Variants in IFNAR2 observed in about 807,000 individuals in gnomAD.
IFNAR2 encodes interferon alpha/beta receptor 2.
In IFNAR2, 30 loss-of-function variants were observed where a neutral mutation model predicts 49.4. That is an observed-to-expected ratio of 0.61 (90% CI 0.45 to 0.82). The LOEUF (loss-of-function observed/expected upper bound fraction) is 0.82. Among genes scored for constraint, IFNAR2 ranks in the 40% least tolerant of loss-of-function variants. The probability of loss-of-function intolerance (pLI) is 0.00; values close to 1 mark genes in which losing one functional copy is unlikely to be tolerated. For synonymous variants in IFNAR2, 224 were observed against 234.5 expected, an observed-to-expected ratio of 0.96 and a Z score of 0.41; for missense variants, 600 against 622.7, an observed-to-expected ratio of 0.96 and a Z score of 0.39.
intron 7 of IFNAR2, among the ~76,000 whole-genome samples, chr21:33,260,382 G>A (rs1223394665): frequency 6.6e-6 from 1 of 152,144 alleles, no homozygotes; most frequent in Non-Finnish European, 1.5e-5. Context: ...ATAAACTGAA[G>A]GAAATTTTAC....
rs1568871580 is a variant in IFNAR2 at position 33,230,518 on chromosome 21, C to A, written c.-84+302C>A. On this transcript the variant is annotated intron_variant, in intron 1 of 8. Transcript: ENST00000342136. This position sits in a 1 kb window ranked among gnomAD's most constrained non-coding sequence, Gnocchi z 5.5. ...CCCTCCGCGTCCCACCCCACCCCAC[C>A]AAGGATGCCCAGGATACCGGGCATT... 4.2e-6 allele frequency: 2 copies of A among 470,834 alleles called. No individual in the cohort carries two copies. Among genetic ancestry groups the A allele is most frequent in the South Asian group, 3.1e-5 (2 of 64,502 alleles). 29.2% of individuals were successfully genotyped at this position (470,834 alleles called of 1,614,324 possible).
intron 6 of IFNAR2, among the ~76,000 whole-genome samples, chr21:33,250,880 TC>T (rs1162628332): frequency 6.6e-6 from 1 of 152,136 alleles, no homozygotes; most frequent in East Asian, 1.9e-4. Context: ...AAGACTAACT[TC>T]CCCATTAACT....
chr21:33,264,172 T>A lies in IFNAR2; in HGVS notation c.*672T>A, dbSNP rs1988826559. 1 of 152,156 alleles carries A rather than the reference T, an allele frequency of 6.6e-6. No individual in the cohort carries two copies. Among genetic ancestry groups the A allele is most frequent in the South Asian group, 2.1e-4 (1 of 4,820 alleles). 9.4% of individuals were successfully genotyped at this position (152,156 alleles called of 1,614,324 possible). On this transcript the variant is annotated 3_prime_UTR_variant, in exon 9 of 9. Coordinates refer to ENST00000342136, the MANE Select transcript of IFNAR2 (RefSeq NM_001289125.3). ...CTGTGCCTGGCTGGCCCTGTGATAT[T>A]TCTGTGAAATAAATTGGGCCAGGGT...
intron 8 of IFNAR2, among the ~76,000 whole-genome samples, chr21:33,262,369 A>AG (rs1271675821): frequency 1.3e-5 from 2 of 151,232 alleles, no homozygotes; most frequent in Non-Finnish European, 1.5e-5. Flanking sequence ...CGTCTCAAAA[A>AG]AAAAAAAAAA....
Position 33,242,857 on chromosome 21 carries a change from C to A in IFNAR2, c.56-816C>A, listed in dbSNP as rs1949228600. 1.3e-5 allele frequency among the ~76,000 whole-genome samples: 2 copies of A among 149,074 alleles called. 1 individual carries two copies. Among genetic ancestry groups the A allele is most frequent in the South Asian group, 4.3e-4 (2 of 4,674 alleles). ...CAGGCTGGAGTGCAGGGTGTGAGCT[C>A]AGCTCACTGCAGCCTCCACCTCCTG... On this transcript the variant is annotated intron_variant, in intron 2 of 8. Transcript: ENST00000342136.
Position 33,230,306 on chromosome 21 carries a change from C to T in IFNAR2, c.-84+90C>T. On this transcript the variant is annotated intron_variant, in intron 1 of 8. Transcript: ENST00000342136. This position sits in a 1 kb window ranked among gnomAD's most constrained non-coding sequence, Gnocchi z 5.5. Reference sequence around the variant, plus strand: ...GCCTCCCTGCAGCGGTTCCCGGAATCCCCTCCGGTTCCCTCTCGCTCTCCC... The same window carrying T: ...GCCTCCCTGCAGCGGTTCCCGGAATTCCCTCCGGTTCCCTCTCGCTCTCCC... The T allele has an allele frequency of 1.9e-6, 2 of 1,043,336 alleles. No individual in the cohort carries two copies. The highest frequency in any genetic ancestry group is 2.4e-6 in the Non-Finnish European group (2 of 832,524). The allele number at this position is 1,043,336 out of a possible 1,614,324, so 64.6% of individuals were successfully genotyped here.
intron 4 of IFNAR2, among the ~76,000 whole-genome samples, chr21:33,245,457 A>G (rs915232568): frequency 1.3e-5 from 2 of 152,226 alleles, no homozygotes; most frequent in African/African-American, 4.8e-5. Context: ...TCTATTGACC[A>G]TATTGATGGT....
intron 7 of IFNAR2, among the ~76,000 whole-genome samples, chr21:33,259,603 C>T (rs1443741909): frequency 6.6e-6 from 1 of 152,172 alleles, no homozygotes; most frequent in African/African-American, 2.4e-5. Context: ...TATGCCATTC[C>T]TTCACCAGTG....
At chr21:33,240,088 A>G (rs1986807678) in intron 1 of IFNAR2, among the ~76,000 whole-genome samples, 2 of 152,260 alleles carry the variant, frequency 1.3e-5, no homozygotes, top group African/African-American at 2.4e-5. Flanking sequence ...ACAGGCCTCA[A>G]TGTTGTGAGC....
At chr21:33,241,161 A>G (rs1261406019) in intron 1 of IFNAR2, among the ~76,000 whole-genome samples, 1 of 152,202 alleles carries the variant, frequency 6.6e-6, no homozygotes, top group Non-Finnish European at 1.5e-5. Flanking sequence ...ATATCTATCT[A>G]ACAAAACTGC....
chr21:33,252,233 CATCCGTTGA>C (rs1568889470), intron 6 of IFNAR2: 3 of 465,748 alleles, frequency 6.4e-6, no homozygotes, highest in Non-Finnish European at 1.3e-5. Context: ...ACAGTTTTCT[CATCCGTTGA>C]ATGGAGGTAA....
intron 8 of IFNAR2, among the ~76,000 whole-genome samples, chr21:33,262,403 A>G (rs976773000): frequency 2.0e-5 from 3 of 151,810 alleles, no homozygotes; most frequent in Admixed American, 2.0e-4. Context: ...CATACCTCAT[A>G]GAGCAGTTGC....
chr21:33,246,971 AC>A, intron 5 of IFNAR2, 81 bp downstream of exon 5: 4 of 1,269,174 alleles, frequency 3.2e-6, no homozygotes, highest in Non-Finnish European at 4.4e-6. Context: ...TAGGAGGTCT[AC>A]AAAGGTGTTT....
rs770432974 is a variant in IFNAR2 at position 33,246,806 on chromosome 21, G to A, written c.310G>A (p.Glu104Lys). The A allele has an allele frequency of 5.0e-6, 8 of 1,613,854 alleles. No homozygotes were observed. Among genetic ancestry groups the A allele is most frequent in the Admixed American group, 3.3e-5 (2 of 59,998 alleles). Residue 104 changes from glutamate to lysine, a missense_variant, in exon 5 of 9, where the codon GAG becomes AAG. Glu to Lys is a moderately conservative substitution (Grantham distance 56). Transcript: ENST00000342136. ...CACAGATGAGTGGAGAAGCACACAC[G>A]AGGCCTATGTCACCGTCCTAGAAGG... ...DLTDEWRSTH[E>K]AYVTVLEGFS...
chr21:33,255,622 C>A (rs559328973), intron 7 of IFNAR2, among the ~76,000 whole-genome samples: 3 of 152,274 alleles, frequency 2.0e-5, no homozygotes, highest in African/African-American at 7.2e-5. Flanking sequence ...TCTGTACATT[C>A]ATCTGTTCAT....
chr21:33,265,589 T>G lies in IFNAR2; in HGVS notation c.*2089T>G, dbSNP rs8178434. ...TATGGCTGTGAGTGTGTGTGTGTGT[T>G]TGTGTATTTTTTAACATTTTGTATA... is the stretch of plus-strand genomic sequence containing the variant. On this transcript the variant is annotated 3_prime_UTR_variant, in exon 9 of 9. Transcript: ENST00000342136. The G allele has an allele frequency of 0.014, 2,807 of 197,302 alleles. 33 individuals are homozygous for G. Among genetic ancestry groups the G allele is most frequent in the Non-Finnish European group, 0.021 (1,949 of 92,838 alleles). The allele number at this position is 197,302 out of a possible 1,614,324, so 12.2% of individuals were successfully genotyped here.
chr21:33,230,333 G>GACT lies in IFNAR2; in HGVS notation c.-84+118_-84+120dup. The GACT allele has an allele frequency of 2.3e-6, 2 of 857,710 alleles. No homozygotes were observed. The highest frequency in any genetic ancestry group is 3.0e-6 in the Non-Finnish European group (2 of 656,048). The allele number at this position is 857,710 out of a possible 1,614,324, so 53.1% of individuals were successfully genotyped here. A position where few individuals can be genotyped will look rare whatever the true frequency, so the allele number is the denominator to read the frequency against. ...CCTCCGGTTCCCTCTCGCTCTCCCC[G>GACT]ACTCCTCCTCCTCCTCCTGCCCTCC... On this transcript the variant is annotated intron_variant, in intron 1 of 8. Coordinates refer to ENST00000342136, the MANE Select transcript of IFNAR2 (RefSeq NM_001289125.3). The surrounding 1 kb of genome is among the most constrained non-coding windows in gnomAD (Gnocchi z 5.5).
In IFNAR2 at chr21:33,230,624, C is replaced by G. The variant is rs1601779281; in HGVS notation, c.-84+408C>G. 6.4e-6 allele frequency: 3 copies of G among 469,648 alleles called. No homozygotes were observed. Among genetic ancestry groups the G allele is most frequent in the African/African-American group, 6.0e-5 (3 of 50,052 alleles). The allele number at this position is 469,648 out of a possible 1,614,324, so 29.1% of individuals were successfully genotyped here. Reference sequence around the variant, plus strand: ...CACCCCGCCTTGCAAAACCGGCTCACCAGCTGGGTGCTCAGGTTCGGGATC... The same window carrying G: ...CACCCCGCCTTGCAAAACCGGCTCAGCAGCTGGGTGCTCAGGTTCGGGATC... On this transcript the variant is annotated intron_variant, in intron 1 of 8. Transcript: ENST00000342136. The surrounding 1 kb of genome is among the most constrained non-coding windows in gnomAD (Gnocchi z 5.5).
intron 8 of IFNAR2, among the ~76,000 whole-genome samples, chr21:33,261,035 CTTT>C (rs368696822): frequency 1.0e-5 from 1 of 95,998 alleles, no homozygotes. Context: ...GTTTTCTTTC[CTTT>C]TTTTTTTTTT....
Sources: gnomAD v4.1 joint callset for allele counts (sites outside exome capture counted in the v4.1 genomes callset) on GRCh38, gnomAD v4.1.1 for gene constraint, Gnocchi (gnomAD v3.1) non-coding constraint, MANE v1.5 for transcripts, NCBI Gene and HGNC (gene_info 2026-07-23, HGNC 2026-07-21) for gene names.